The following LINGO2 variants were observed in gnomAD, a reference collection of about 807,000 sequenced individuals.
LINGO2 encodes the protein leucine rich repeat and Ig domain containing 2, also known as leucine-rich repeat and immunoglobulin-like domain-containing nogo receptor-interacting protein 2.
In LINGO2, 14 loss-of-function variants were observed where a neutral mutation model predicts 30.6. The ratio of observed to expected loss-of-function variants is 0.46; its 90% confidence interval spans 0.30 to 0.72. The LOEUF (loss-of-function observed/expected upper bound fraction) is 0.72, where lower values mean the gene tolerates loss of function less well. Among genes scored for constraint, LINGO2 ranks in the 30% least tolerant of loss-of-function variants. The pLI is 0.07. For missense variants in LINGO2, 729 were observed against 751.7 expected (o/e 0.97, Z 0.35); for synonymous variants, 317 against 288.5 (o/e 1.10, Z -1.00).
intron 3 of LINGO2, among the ~76,000 whole-genome samples, chr9:28,354,207 A>G (rs1457433356): frequency 6.6e-6 from 1 of 152,150 alleles, no homozygotes; most frequent in Admixed American, 6.5e-5. Flanking sequence ...GTTAAGACAT[A>G]TATGTTTTTT....
the LINGO2 span, among the ~76,000 whole-genome samples, chr9:28,752,056 A>C: frequency 6.6e-6 from 1 of 152,044 alleles, no homozygotes; most frequent in Non-Finnish European, 1.5e-5. Context: ...TGCACGTTGG[A>C]GTATTTAGTA....
At chr9:28,255,424 T>C (rs961966577) in intron 4 of LINGO2, among the ~76,000 whole-genome samples, 3 of 152,088 alleles carry the variant, frequency 2.0e-5, no homozygotes, top group Non-Finnish European at 4.4e-5. Context: ...CTTGAAACCC[T>C]GCTCTACTAT....
chr9:28,052,173 A>C (rs561483161), intron 4 of LINGO2, among the ~76,000 whole-genome samples: 1 of 152,236 alleles, frequency 6.6e-6, no homozygotes, highest in South Asian at 2.1e-4. Context: ...GAATTCAACA[A>C]AATTATGGAT....
intron 4 of LINGO2, among the ~76,000 whole-genome samples, chr9:28,233,070 T>TA (rs1821428964): frequency 9.0e-6 from 1 of 110,672 alleles, no homozygotes; most frequent in African/African-American, 3.9e-5. Context: ...ATTAGATATA[T>TA]AATAGATATA....
chr9:28,866,009 G>A, the LINGO2 span, among the ~76,000 whole-genome samples: 13 of 151,992 alleles, frequency 8.6e-5, no homozygotes, highest in Non-Finnish European at 1.9e-4. Context: ...TATGTTAGTC[G>A]GGTACTTGGC....
At chr9:28,389,623 G>A (rs1821744944) in intron 2 of LINGO2, among the ~76,000 whole-genome samples, 1 of 152,090 alleles carries the variant, frequency 6.6e-6, no homozygotes, top group South Asian at 2.1e-4. Context: ...ACTTAGTGTT[G>A]CATCACCCTG....
chr9:28,403,531 T>A (rs919304854), intron 2 of LINGO2, among the ~76,000 whole-genome samples: 4 of 152,186 alleles, frequency 2.6e-5, no homozygotes, highest in Non-Finnish European at 5.9e-5. Context: ...GTAATTATGA[T>A]TGTTGTCTTT....
At position 28,020,540 on chromosome 9, in the gene LINGO2, A is replaced by G. The variant is rs1823061484; in HGVS notation, c.-86-8135T>C. Among the ~76,000 whole-genome samples the G allele has an allele frequency of 8.9e-4, 4 of 4,512 alleles. No homozygotes were observed. The South Asian group carries it at 0.11, about 125-fold the overall frequency. The allele number at this position is 4,512 out of a possible 152,430, so 3.0% of individuals were successfully genotyped here. On this transcript the variant is annotated intron_variant, in intron 4 of 5. Coordinates refer to ENST00000379992, the Ensembl canonical transcript of LINGO2. ...TGAGACTCTGTCTTATAAAAACAAA[A>G]CAAAACAAAACAAAACAAAACAAAA...
chr9:28,348,820 TC>T (rs1416714672), intron 3 of LINGO2, among the ~76,000 whole-genome samples: 9 of 151,956 alleles, frequency 5.9e-5, no homozygotes, highest in African/African-American at 2.2e-4. Flanking sequence ...GCAGACTGCC[TC>T]CTCAAGTGGG....
chr9:28,881,594 C>A, the LINGO2 span, among the ~76,000 whole-genome samples: 1 of 149,254 alleles, frequency 6.7e-6, no homozygotes, highest in Non-Finnish European at 1.5e-5. Context: ...ACATTACTGA[C>A]AACCTTTTTT....
At chr9:28,959,602 TCTCTCTCC>T in the LINGO2 span, among the ~76,000 whole-genome samples, 4 of 138,784 alleles carry the variant, frequency 2.9e-5, no homozygotes, top group African/African-American at 1.2e-4. Context: ...TCTCTCTCTC[TCTCTCTCC>T]CTCACACACA....
At chr9:28,717,298 G>A in the LINGO2 span, among the ~76,000 whole-genome samples, 1 of 139,650 alleles carries the variant, frequency 7.2e-6, no homozygotes, top group Non-Finnish European at 1.5e-5. Context: ...AAAGTTACAA[G>A]ATTTATTTCC....
At chr9:28,617,081 T>A (rs2135807961) in intron 1 of LINGO2, among the ~76,000 whole-genome samples, 1 of 152,292 alleles carries the variant, frequency 6.6e-6, no homozygotes, top group East Asian at 1.9e-4. Flanking sequence ...AGCCTTGGCA[T>A]GAATATGAAG....
the LINGO2 span, among the ~76,000 whole-genome samples, chr9:29,105,406 C>T: frequency 4.6e-5 from 7 of 152,254 alleles, no homozygotes; most frequent in East Asian, 1.2e-3. Context: ...AATTTTTCTA[C>T]GTAACCTCAA....
intron 4 of LINGO2, among the ~76,000 whole-genome samples, chr9:28,193,015 T>A (rs1819876235): frequency 6.6e-6 from 1 of 152,196 alleles, no homozygotes; most frequent in Non-Finnish European, 1.5e-5. Context: ...TAACGTATAG[T>A]GCTGAATAGC....
the LINGO2 span, among the ~76,000 whole-genome samples, chr9:29,106,425 T>C: frequency 8.3e-4 from 127 of 152,284 alleles, 1 homozygote; most frequent in African/African-American, 2.9e-3. Context: ...CCAGAAATCA[T>C]GTTACTACCT....
intron 2 of LINGO2, among the ~76,000 whole-genome samples, chr9:28,375,380 C>T (rs1821089189): frequency 6.6e-6 from 1 of 152,170 alleles, no homozygotes; most frequent in Non-Finnish European, 1.5e-5. Context: ...TTGACTAGAA[C>T]TGAGCCAATT....
the LINGO2 span, among the ~76,000 whole-genome samples, chr9:28,898,455 A>G: frequency 6.6e-6 from 1 of 152,148 alleles, no homozygotes; most frequent in Admixed American, 6.5e-5. Flanking sequence ...GAAACCCACA[A>G]AACTTCACAG....
chr9:28,880,598 G>A, the LINGO2 span, among the ~76,000 whole-genome samples: 5 of 152,126 alleles, frequency 3.3e-5, no homozygotes, highest in Admixed American at 1.3e-4. Flanking sequence ...ATATGGCCTC[G>A]TGGGATGAGA....
Sources: gnomAD v4.1 joint callset for allele counts (sites outside exome capture counted in the v4.1 genomes callset) on GRCh38, gnomAD v4.1.1 for gene constraint, MANE v1.5 for transcripts, NCBI Gene and HGNC (gene_info 2026-07-23, HGNC 2026-07-21) for gene names.